Variants in CLEC2B observed in about 807,000 individuals in gnomAD.
CLEC2B encodes C-type (calcium dependent, carbohydrate-recognition domain) lectin, superfamily member 2 (activation-induced).
CLEC2B carries 14 observed loss-of-function variants against 16.2 expected under a neutral mutation model. That is an observed-to-expected ratio of 0.86 (90% CI 0.57 to 1.35). The LOEUF (loss-of-function observed/expected upper bound fraction) is 1.35. CLEC2B is among the 40% of genes most tolerant of loss of function. The pLI is 0.00. For missense variants in CLEC2B, 166 were observed against 182.3 expected (o/e 0.91, Z 0.52); for synonymous variants, 42 against 55.8 (o/e 0.75, Z 1.10).
At chr12:9,868,730 G>A (rs554660102) in intron 1 of CLEC2B, among the ~76,000 whole-genome samples, 22 of 152,032 alleles carry the variant, frequency 1.4e-4, no homozygotes, top group African/African-American at 4.3e-4. Flanking sequence ...CATGGATATC[G>A]GAGTACTAGC....
chr12:9,861,544 A>G (rs527744201), intron 2 of CLEC2B, among the ~76,000 whole-genome samples: 2 of 152,214 alleles, frequency 1.3e-5, no homozygotes, highest in African/African-American at 2.4e-5. Context: ...AATTCTTCTT[A>G]TATCTCAAGT....
intron 1 of CLEC2B, among the ~76,000 whole-genome samples, chr12:9,866,252 G>A (rs969341686): frequency 6.6e-6 from 1 of 152,028 alleles, no homozygotes; most frequent in Non-Finnish European, 1.5e-5. Flanking sequence ...GAAAAGACAG[G>A]AAGTTTTTTC....
intron 3 of CLEC2B, among the ~76,000 whole-genome samples, chr12:9,855,162 A>G (rs7957621): frequency 0.43 from 65,971 of 151,812 alleles, 14,534 homozygotes; most frequent in Non-Finnish European, 0.48. Context: ...CTGCTACTAA[A>G]TAGCTTGGAA....
intron 3 of CLEC2B, chr12:9,854,999 T>A (rs1209231384): frequency 1.3e-5 from 2 of 154,240 alleles, no homozygotes; most frequent in Admixed American, 1.3e-4. Context: ...GCTGAACATT[T>A]AAATTTCCAA....
chr12:9,865,545 T>C (rs1046653035), intron 1 of CLEC2B, among the ~76,000 whole-genome samples: 4 of 152,162 alleles, frequency 2.6e-5, no homozygotes, highest in African/African-American at 9.7e-5. Flanking sequence ...AAGGGAGAGA[T>C]AGACTGCAAT....
In CLEC2B at chr12:9,862,562, T is replaced by G; in HGVS notation, c.10A>C (p.Lys4Gln). MMT[K>Q]HKKCFIIVGV... ...ACAATTATAAAACACTTTTTATGTT[T>G]GGTCATCATACCTGAAAAATAAAAA... The change falls in exon 2 of 5, where the codon AAA becomes CAA. Residue 4 changes from lysine (K) to glutamine (Q), a missense_variant. Coordinates refer to ENST00000228438, the MANE Select transcript of CLEC2B (RefSeq NM_005127.3). 6.8e-7 allele frequency: 1 copy of G among 1,479,210 alleles called. No individual in the cohort carries two copies. Among genetic ancestry groups the G allele is most frequent in the Non-Finnish European group, 9.1e-7 (1 of 1,098,834 alleles). The allele number at this position is 1,479,210 out of a possible 1,614,324, so 91.6% of individuals were successfully genotyped here.
rs1555123321 is a variant in CLEC2B at position 9,853,085 on chromosome 12, G to GAA, written c.*214_*215insTT. 941 of 313,588 alleles carry GAA rather than the reference G, an allele frequency of 3.0e-3. 2 individuals carry two copies. The highest frequency in any genetic ancestry group is 4.2e-3 in the Middle Eastern group (5 of 1,186). 19.4% of individuals were successfully genotyped at this position (313,588 alleles called of 1,614,324 possible). On this transcript the variant is annotated 3_prime_UTR_variant, in exon 5 of 5. Coordinates refer to ENST00000228438, the MANE Select transcript of CLEC2B (RefSeq NM_005127.3). ...AGAAAGAAAGAAAGAAAGAAAGAAAGAGAGAGAGAGAAAGAAAGAAAGAAA... is the reference window on the plus strand; with the variant it reads ...AGAAAGAAAGAAAGAAAGAAAGAAAGAAAGAGAGAGAGAAAGAAAGAAAGAAA...
At chr12:9,859,737 G>A (rs1867920070) in intron 2 of CLEC2B, among the ~76,000 whole-genome samples, 1 of 151,754 alleles carries the variant, frequency 6.6e-6, no homozygotes, top group Non-Finnish European at 1.5e-5. Flanking sequence ...CCTGATAATA[G>A]TATTGAAAGA....
chr12:9,861,020 T>C (rs933290318), intron 2 of CLEC2B, among the ~76,000 whole-genome samples: 11 of 151,998 alleles, frequency 7.2e-5, no homozygotes. Flanking sequence ...TATTTTTATG[T>C]CTTTGAAGTA....
Position 9,866,720 on chromosome 12 carries a change from A to G in CLEC2B, c.-3+2485T>C, listed in dbSNP as rs543041711. On this transcript the variant is annotated intron_variant, in intron 1 of 4. Transcript: ENST00000228438. ...CCATTTTGATATTCTTTCTTCCAGA[A>G]TGACTGTTGAAAAGAAAACCCTAAG... Among the ~76,000 whole-genome samples the G allele has an allele frequency of 1.7e-3, 252 of 152,240 alleles. 1 individual carries two copies. The highest frequency in any genetic ancestry group is 5.1e-3 in the African/African-American group (214 of 41,558).
intron 2 of CLEC2B, 46 bp downstream of exon 2, chr12:9,862,453 T>A (rs756743190): frequency 2.7e-5 from 37 of 1,387,952 alleles, no homozygotes; most frequent in Non-Finnish European, 3.2e-5. Context: ...AGGAATAGGA[T>A]CACACATAGA....
intron 1 of CLEC2B, among the ~76,000 whole-genome samples, chr12:9,868,641 A>G (rs1867990130): frequency 2.0e-5 from 3 of 152,206 alleles, no homozygotes; most frequent in Admixed American, 6.5e-5. Context: ...AATAAATCCA[A>G]TGTTACCAGG....
In CLEC2B at chr12:9,857,495, T is replaced by C. The variant is rs1867902538; in HGVS notation, c.216A>G (p.Ile72Met). The C allele has an allele frequency of 1.9e-6, 3 of 1,609,456 alleles. No individual in the cohort carries two copies. The highest frequency in any genetic ancestry group is 1.7e-5 in the Admixed American group (1 of 59,710). The change falls in exon 3 of 5, where the codon ATA (isoleucine) becomes ATG (methionine). Residue 72 changes from isoleucine to methionine, a missense_variant. Ile to Met is a conservative substitution (Grantham distance 10). Coordinates refer to ENST00000228438, the MANE Select transcript of CLEC2B (RefSeq NM_005127.3). Reference protein sequence around the residue: ...NCSTQHADLTIIDNIEEMNFL... With the variant: ...NCSTQHADLTMIDNIEEMNFL... Reference sequence around the variant, plus strand: ...TTACCATTTCTTCTATGTTGTCAATTATAGTTAGGTCGGCATGTTGAGTGG... The same window carrying C: ...TTACCATTTCTTCTATGTTGTCAATCATAGTTAGGTCGGCATGTTGAGTGG...
Position 9,862,386 on chromosome 12 carries a change from A to G in CLEC2B, c.73+113T>C, listed in dbSNP as rs550654476. ...TATTCATTTGTACCAATTAAATGTT[A>G]TCATGTATAATGGGAAGATAATGAG... On this transcript the variant is annotated intron_variant, in intron 2 of 4. Transcript: ENST00000228438. 4 of 951,694 alleles carry G rather than the reference A, an allele frequency of 4.2e-6. No individual in the cohort carries two copies. In the East Asian group the frequency reaches 1.8e-4, roughly 42 times the overall value. The allele number at this position is 951,694 out of a possible 1,614,324, so 59.0% of individuals were successfully genotyped here.
chr12:9,854,398 TC>T lies in CLEC2B; in HGVS notation c.323del (p.Gly108GlufsTer10). 1.2e-6 allele frequency: 2 copies of T among 1,611,784 alleles called. No homozygotes were observed. Among genetic ancestry groups the T allele is most frequent in the Non-Finnish European group, 1.7e-6 (2 of 1,178,096 alleles). On this transcript the variant is annotated frameshift_variant, in exon 4 of 5. Coordinates refer to ENST00000228438, the MANE Select transcript of CLEC2B (RefSeq NM_005127.3). LOFTEE classifies it low-confidence loss of function (END_TRUNC). ...AKNRTGQWVD[G>X]ATFTKSFGMR... ...AAACTCACGATTTGGTAAATGTAGC[TC>T]CATCTACCCATTGTCCTGTTCGATT...
chr12:9,853,085 G>GAAAGAAAGAA lies in CLEC2B; in HGVS notation c.*214_*215insTTCTTTCTTT, dbSNP rs1555123321. On this transcript the variant is annotated 3_prime_UTR_variant, in exon 5 of 5. Coordinates refer to ENST00000228438, the MANE Select transcript of CLEC2B (RefSeq NM_005127.3). ...AGAAAGAAAGAAAGAAAGAAAGAAA[G>GAAAGAAAGAA]AGAGAGAGAGAAAGAAAGAAAGAAA... 153 of 315,796 alleles carry GAAAGAAAGAA rather than the reference G, an allele frequency of 4.8e-4. No individual in the cohort carries two copies. Among genetic ancestry groups the GAAAGAAAGAA allele is most frequent in the South Asian group, 1.1e-3 (28 of 25,734 alleles). 19.6% of individuals were successfully genotyped at this position (315,796 alleles called of 1,614,324 possible). A position where few individuals can be genotyped will look rare whatever the true frequency, so the allele number is the denominator to read the frequency against.
chr12:9,861,909 CTG>C (rs1867935442), intron 2 of CLEC2B, among the ~76,000 whole-genome samples: 1 of 151,950 alleles, frequency 6.6e-6, no homozygotes, highest in Non-Finnish European at 1.5e-5. Context: ...TTTTCTATGA[CTG>C]TGTTTCTATG....
At chr12:9,862,615 CA>C in intron 1 of CLEC2B, 42 bp from the exon 2 acceptor site, 1 of 1,360,234 alleles carries the variant, frequency 7.4e-7, no homozygotes, top group Non-Finnish European at 9.6e-7. Flanking sequence ...CTTCTGGCTC[CA>C]AAATGATGGC....
chr12:9,861,605 A>G (rs1867933456), intron 2 of CLEC2B, among the ~76,000 whole-genome samples: 1 of 152,096 alleles, frequency 6.6e-6, no homozygotes, highest in South Asian at 2.1e-4. Flanking sequence ...ACAGTTGTTC[A>G]CAACCACCCA....
Sources: gnomAD v4.1 joint callset for allele counts (sites outside exome capture counted in the v4.1 genomes callset) on GRCh38, gnomAD v4.1.1 for gene constraint, MANE v1.5 for transcripts, NCBI Gene and HGNC (gene_info 2026-07-23, HGNC 2026-07-21) for gene names.